Variants in SPOCK1 observed in about 807,000 individuals in gnomAD.
SPOCK1 encodes testican-1.
A neutral mutation model predicts 55.3 loss-of-function variants in SPOCK1; 23 were observed. That is an observed-to-expected ratio of 0.42 (90% CI 0.30 to 0.59). The LOEUF (loss-of-function observed/expected upper bound fraction) is 0.59. Ranked by LOEUF, SPOCK1 falls within the 20% of genes least tolerant of loss-of-function variation. The probability of loss-of-function intolerance (pLI) is 0.22; values close to 1 mark genes in which losing one functional copy is unlikely to be tolerated. For synonymous variants in SPOCK1, 226 were observed against 221.0 expected, an observed-to-expected ratio of 1.02 and a Z score of -0.20; for missense variants, 499 against 552.5, an observed-to-expected ratio of 0.90 and a Z score of 0.97.
intron 3 of SPOCK1, among the ~76,000 whole-genome samples, chr5:137,236,512 A>G (rs1227915760): frequency 6.6e-6 from 1 of 151,720 alleles, no homozygotes; most frequent in Non-Finnish European, 1.5e-5. Context: ...CTCTGCTTAA[A>G]CTCTCCCTGT....
chr5:137,312,567 G>T (rs1188242601), intron 2 of SPOCK1, among the ~76,000 whole-genome samples: 2 of 152,020 alleles, frequency 1.3e-5, no homozygotes, highest in East Asian at 3.9e-4. Flanking sequence ...TCAGATGCTG[G>T]GTTACGAATT....
At chr5:137,155,907 A>G (rs1754407179) in intron 3 of SPOCK1, among the ~76,000 whole-genome samples, 1 of 152,184 alleles carries the variant, frequency 6.6e-6, no homozygotes, top group African/African-American at 2.4e-5. Flanking sequence ...CCTCCTGAAA[A>G]GTTTCTCTCA....
intron 6 of SPOCK1, among the ~76,000 whole-genome samples, chr5:137,002,816 G>C (rs1386759842): frequency 6.6e-6 from 1 of 152,214 alleles, no homozygotes; most frequent in African/African-American, 2.4e-5. Context: ...TCCTGGGAAA[G>C]GGGCTAGGTG....
chr5:137,108,943 A>T (rs565512366), intron 5 of SPOCK1, among the ~76,000 whole-genome samples: 2 of 152,380 alleles, frequency 1.3e-5, no homozygotes, highest in South Asian at 4.1e-4. Context: ...GGCTTTGACC[A>T]GCAAACATTT....
At chr5:136,979,548 AG>A in intron 9 of SPOCK1, 79 bp from the exon 10 acceptor site, 1 of 1,527,050 alleles carries the variant, frequency 6.5e-7, no homozygotes, top group Admixed American at 1.8e-5. Flanking sequence ...CACAGGGAAG[AG>A]GGCTCACATG....
At chr5:137,199,542 G>A (rs1755372678) in intron 3 of SPOCK1, among the ~76,000 whole-genome samples, 1 of 152,054 alleles carries the variant, frequency 6.6e-6, no homozygotes, top group African/African-American at 2.4e-5. Flanking sequence ...TGACCCATCA[G>A]CTGCATTAAA....
chr5:137,473,409 A>T (rs896028800), intron 2 of SPOCK1, among the ~76,000 whole-genome samples: 1 of 152,224 alleles, frequency 6.6e-6, no homozygotes, highest in African/African-American at 2.4e-5. Flanking sequence ...ACAAAAACAT[A>T]CGAATATACA....
At chr5:137,113,299 C>T (rs1371418947) in intron 4 of SPOCK1, among the ~76,000 whole-genome samples, 3 of 152,172 alleles carry the variant, frequency 2.0e-5, no homozygotes, top group African/African-American at 7.2e-5. Flanking sequence ...GAAATAAAGG[C>T]CTGCAGTTAC....
intron 3 of SPOCK1, among the ~76,000 whole-genome samples, chr5:137,220,757 T>C (rs1001135300): frequency 6.6e-6 from 1 of 152,218 alleles, no homozygotes; most frequent in Non-Finnish European, 1.5e-5. Flanking sequence ...ACTAAGAGGC[T>C]GTGTCAGCGA....
At chr5:137,305,440 T>A (rs1757684910) in intron 2 of SPOCK1, among the ~76,000 whole-genome samples, 1 of 152,200 alleles carries the variant, frequency 6.6e-6, no homozygotes, top group Non-Finnish European at 1.5e-5. Context: ...GTGGTCACAT[T>A]CATAGATGCC....
chr5:136,996,808 G>C (rs1671075150), intron 6 of SPOCK1, among the ~76,000 whole-genome samples: 1 of 152,136 alleles, frequency 6.6e-6, no homozygotes, highest in South Asian at 2.1e-4. Context: ...TGATAGGACA[G>C]AAATGGAACA....
chr5:137,448,917 T>C (rs182696054), intron 2 of SPOCK1, among the ~76,000 whole-genome samples: 1 of 152,302 alleles, frequency 6.6e-6, no homozygotes, highest in African/African-American at 2.4e-5. Flanking sequence ...AGGTCTGCCC[T>C]TCAGTAGGAA....
intron 5 of SPOCK1, among the ~76,000 whole-genome samples, chr5:137,081,074 C>T (rs1316943810): frequency 6.6e-6 from 1 of 152,248 alleles, no homozygotes; most frequent in Admixed American, 6.5e-5. Context: ...GGGGCTGTGC[C>T]TCCTGTCCCT....
At chr5:137,472,565 A>G (rs1753757939) in intron 2 of SPOCK1, among the ~76,000 whole-genome samples, 1 of 152,244 alleles carries the variant, frequency 6.6e-6, no homozygotes, top group South Asian at 2.1e-4. Context: ...ATTCATTAAC[A>G]TAACTAATGT....
At position 137,237,248 on chromosome 5, in the gene SPOCK1, G is replaced by T. The variant is rs531854231; in HGVS notation, c.232+29762C>A. 9.9e-5 allele frequency among the ~76,000 whole-genome samples: 15 copies of T among 152,268 alleles called. No individual in the cohort carries two copies. The East Asian group carries it at 2.9e-3, about 29-fold the overall frequency. ...TGAGGTCAAGCGGGCAGCCCACCAT[G>T]AGCTCCCATTCCCAGCATTCACTCA... On this transcript the variant is annotated intron_variant, in intron 3 of 10. Transcript: ENST00000394945.
chr5:137,485,191 C>T (rs1234133318), intron 2 of SPOCK1, among the ~76,000 whole-genome samples: 1 of 152,144 alleles, frequency 6.6e-6, no homozygotes, highest in Non-Finnish European at 1.5e-5. Flanking sequence ...GTGGAAGACC[C>T]ACCATTACAG....
intron 2 of SPOCK1, among the ~76,000 whole-genome samples, chr5:137,399,667 A>G (rs1209699855): frequency 6.6e-6 from 1 of 152,232 alleles, no homozygotes; most frequent in East Asian, 1.9e-4. Flanking sequence ...ACGTAAAGAG[A>G]GACCTCACCA....
At chr5:137,002,382 T>C (rs1438633450) in intron 6 of SPOCK1, among the ~76,000 whole-genome samples, 2 of 152,158 alleles carry the variant, frequency 1.3e-5, no homozygotes, top group Admixed American at 6.6e-5. Flanking sequence ...ACGCTTATTT[T>C]TTTTTTCTCC....
intron 2 of SPOCK1, among the ~76,000 whole-genome samples, chr5:137,386,806 G>A (rs1159262983): frequency 6.6e-6 from 1 of 152,042 alleles, no homozygotes; most frequent in Non-Finnish European, 1.5e-5. Flanking sequence ...GAATCGATAA[G>A]CTGGACCTCA....
Sources: gnomAD v4.1 joint callset for allele counts (sites outside exome capture counted in the v4.1 genomes callset) on GRCh38, gnomAD v4.1.1 for gene constraint, MANE v1.5 for transcripts, NCBI Gene and HGNC (gene_info 2026-07-23, HGNC 2026-07-21) for gene names.